The following FBXO11 variants were observed in gnomAD, a reference collection of about 807,000 sequenced individuals.
FBXO11 encodes the protein F-box only protein 11.
Under a neutral mutation model 117.0 loss-of-function variants are expected in FBXO11, and 13 were observed. That is an observed-to-expected ratio of 0.11 (90% CI 0.07 to 0.18). The LOEUF (loss-of-function observed/expected upper bound fraction) is 0.18, where lower values mean the gene tolerates loss of function less well. Ranked by LOEUF, FBXO11 falls within the 10% of genes least tolerant of loss-of-function variation. The pLI, the probability that FBXO11 is intolerant of heterozygous loss-of-function variation, is 1.00. For missense variants in FBXO11, 767 were observed against 1,164.4 expected (o/e 0.66, Z 4.97); for synonymous variants, 490 against 380.5 (o/e 1.29, Z -3.35).
At chr2:47,866,095 A>G (rs1209599334) in intron 1 of FBXO11, among the ~76,000 whole-genome samples, 2 of 151,928 alleles carry the variant, frequency 1.3e-5, no homozygotes, top group African/African-American at 2.4e-5. Flanking sequence ...TCTACCGAAA[A>G]AAAATTGGCT....
At chr2:47,902,939 CCA>C (rs1469303163) in intron 1 of FBXO11, among the ~76,000 whole-genome samples, 6 of 150,906 alleles carry the variant, frequency 4.0e-5, no homozygotes, top group East Asian at 3.9e-4. Flanking sequence ...AAAACAAAAA[CCA>C]CACATACATT....
chr2:47,896,990 T>G (rs1369434110), intron 1 of FBXO11, among the ~76,000 whole-genome samples: 4 of 152,360 alleles, frequency 2.6e-5, no homozygotes, highest in Non-Finnish European at 4.4e-5. Context: ...TGTTAAATTT[T>G]ATTCACTTCT....
chr2:47,842,765 A>G (rs886091265), intron 1 of FBXO11, among the ~76,000 whole-genome samples: 3 of 149,884 alleles, frequency 2.0e-5, no homozygotes, highest in African/African-American at 7.4e-5. Flanking sequence ...TGGAAAAACA[A>G]GTAAATTTTT....
At chr2:47,821,736 G>C (rs1017484057) in intron 13 of FBXO11, among the ~76,000 whole-genome samples, 1 of 152,138 alleles carries the variant, frequency 6.6e-6, no homozygotes, top group African/African-American at 2.4e-5. Context: ...TGTGAGGTGA[G>C]ATTGTGTCAC....
intron 1 of FBXO11, among the ~76,000 whole-genome samples, chr2:47,904,206 C>A (rs558171727): frequency 2.0e-5 from 3 of 152,244 alleles, no homozygotes; most frequent in Non-Finnish European, 4.4e-5. Flanking sequence ...GGAGGTGTGA[C>A]AACAAACGCA....
chr2:47,833,167 G>A (rs572969461), intron 7 of FBXO11, 97 bp from the exon 8 acceptor site: 3 of 720,274 alleles, frequency 4.2e-6, no homozygotes, highest in East Asian at 5.3e-5. Flanking sequence ...TTAGTACTGA[G>A]TAGTGGGACT....
chr2:47,901,166 T>C lies in FBXO11; in HGVS notation c.232+4323A>G, dbSNP rs999490903. Among the ~76,000 whole-genome samples, 50 of 138,972 alleles carry C rather than the reference T, an allele frequency of 3.6e-4. 1 individual carries two copies. The highest frequency in any genetic ancestry group is 7.1e-4 in the Non-Finnish European group (45 of 63,602). The allele number at this position is 138,972 out of a possible 152,430, so 91.2% of individuals were successfully genotyped here. A position where few individuals can be genotyped will look rare whatever the true frequency, so the allele number is the denominator to read the frequency against. On this transcript the variant is annotated intron_variant, in intron 1 of 22. Coordinates refer to ENST00000403359, the MANE Select transcript of FBXO11 (RefSeq NM_001190274.2). The stretch of plus-strand genomic sequence containing the variant: ...ACACACGTGTGTACATATATACATA[T>C]ATATGTATATATATGTGGGTACATA...
At chr2:47,817,748 G>C (rs1246399293) in intron 16 of FBXO11, among the ~76,000 whole-genome samples, 3 of 152,230 alleles carry the variant, frequency 2.0e-5, no homozygotes, top group African/African-American at 7.2e-5. Context: ...AGATGGGAAT[G>C]GCTGCTTGGT....
chr2:47,841,885 C>G (rs1051084956), intron 1 of FBXO11, among the ~76,000 whole-genome samples: 4 of 151,932 alleles, frequency 2.6e-5, no homozygotes, highest in Admixed American at 1.3e-4. Context: ...GTGATCCCCC[C>G]ACCTCGGCCT....
chr2:47,867,865 T>C (rs887413306), intron 1 of FBXO11, among the ~76,000 whole-genome samples: 4 of 152,150 alleles, frequency 2.6e-5, no homozygotes, highest in African/African-American at 9.7e-5. Context: ...TTTGAGGCTT[T>C]AAAAAAACCC....
chr2:47,822,224 T>C lies in FBXO11; in HGVS notation c.1696A>G (p.Ile566Val). The C allele has an allele frequency of 6.3e-7, 1 of 1,587,690 alleles. No homozygotes were observed. Among genetic ancestry groups the C allele is most frequent in the Non-Finnish European group, 8.6e-7 (1 of 1,164,758 alleles). ...AACAAAACCATACGCTTACCATAAA[T>C]GTCATTTCCTTCAATAAGGCCTCGT... ...DGRGLIEGND[I>V]YGNALAGIQI... is the part of the protein sequence containing the mutation. The change falls in exon 13 of 23, where the codon ATT (isoleucine) becomes GTT (valine). Residue 566 changes from isoleucine (I) to valine (V), a missense_variant. Around this residue, in one of 10 missense-constraint regions of FBXO11, gnomAD observed 67 missense variants for 148.8 expected, o/e 0.45. Transcript: ENST00000403359.
intron 20 of FBXO11, 156 bp downstream of exon 20, chr2:47,809,440 TACTC>T (rs754838749): frequency 2.8e-4 from 193 of 688,658 alleles, no homozygotes; most frequent in Non-Finnish European, 4.4e-4. Flanking sequence ...TTGTATAAGA[TACTC>T]CAACCATTTA....
intron 1 of FBXO11, among the ~76,000 whole-genome samples, chr2:47,887,862 A>C (rs771264188): frequency 1.3e-4 from 20 of 152,198 alleles, no homozygotes; most frequent in Admixed American, 2.6e-4. Context: ...GTCTCAAAAA[A>C]ACCCATTAGC....
intron 3 of FBXO11, among the ~76,000 whole-genome samples, 194 bp downstream of exon 3, chr2:47,839,225 T>C (rs1015487918): frequency 1.3e-5 from 2 of 152,092 alleles, no homozygotes; most frequent in Admixed American, 6.6e-5. Context: ...ATGGTTAAAA[T>C]AAATACATAA....
intron 1 of FBXO11, among the ~76,000 whole-genome samples, chr2:47,863,064 AAAAAAAAC>A (rs1181436051): frequency 6.6e-6 from 1 of 151,356 alleles, no homozygotes; most frequent in African/African-American, 2.4e-5. Context: ...TCAAAAAAAA[AAAAAAAAC>A]AAAAAAACAA....
chr2:47,862,213 G>T (rs1041131494), intron 1 of FBXO11, among the ~76,000 whole-genome samples: 1 of 152,202 alleles, frequency 6.6e-6, no homozygotes, highest in Non-Finnish European at 1.5e-5. Flanking sequence ...GTGAGCCATC[G>T]TGCCTGGCCA....
At chr2:47,874,979 G>A (rs1675894212) in intron 1 of FBXO11, among the ~76,000 whole-genome samples, 1 of 148,832 alleles carries the variant, frequency 6.7e-6, no homozygotes, top group South Asian at 2.1e-4. Context: ...TTGTCAAAAC[G>A]TCTTCTGCAT....
At chr2:47,882,204 G>A (rs950545065) in intron 1 of FBXO11, among the ~76,000 whole-genome samples, 5 of 152,284 alleles carry the variant, frequency 3.3e-5, no homozygotes, top group Admixed American at 1.3e-4. Context: ...AGAACAATGT[G>A]ACTGGATATA....
chr2:47,834,229 A>C (rs1475317544), intron 7 of FBXO11, among the ~76,000 whole-genome samples: 1 of 152,156 alleles, frequency 6.6e-6, no homozygotes, highest in Non-Finnish European at 1.5e-5. Context: ...GCATGCCTAT[A>C]ATCCCAGCTA....
Sources: allele counts gnomAD v4.1 joint callset (sites outside exome capture counted in the v4.1 genomes callset), GRCh38; gene constraint gnomAD v4.1.1; regional missense constraint gnomAD v4.1.1; transcripts MANE v1.5; gene names NCBI Gene and HGNC (gene_info 2026-07-23, HGNC 2026-07-21).